The following ZSCAN25 variants were observed in gnomAD, a reference collection of about 807,000 sequenced individuals.
The protein encoded by ZSCAN25 is zinc finger and SCAN domain-containing protein 25.
Under a neutral mutation model 38.7 loss-of-function variants are expected in ZSCAN25, and 27 were observed. The observed-to-expected ratio is 0.70, with a 90% CI of 0.51 to 0.96. ZSCAN25 has a LOEUF of 0.96. Among genes scored for constraint, ZSCAN25 ranks in the 40% least tolerant of loss-of-function variants. The pLI is 0.00. For synonymous variants in ZSCAN25, 273 were observed against 277.7 expected (o/e 0.98, Z 0.17); for missense variants, 637 against 705.9 (o/e 0.90, Z 1.11).
the ZSCAN25 span, chr7:99,671,871 G>A: frequency 4.3e-6 from 3 of 702,536 alleles, no homozygotes; most frequent in East Asian, 2.7e-5. Flanking sequence ...GCTGGTCGTT[G>A]CACAAATCTA....
At position 99,631,576 on chromosome 7, in the gene ZSCAN25, T is replaced by G. The variant is rs1038621364; in HGVS notation, c.*1556T>G. On this transcript the variant is annotated 3_prime_UTR_variant, in exon 8 of 8. Transcript: ENST00000394152. ...AGTGTCCTATAATTGCAAAATGTGG[T>G]TTGTCTTCTGATGCCTCTTAATACC... The G allele has an allele frequency of 2.0e-6, 2 of 985,428 alleles. No homozygotes were observed. The highest frequency in any genetic ancestry group is 9.4e-5 in the South Asian group (2 of 21,290). 61.0% of individuals were successfully genotyped at this position (985,428 alleles called of 1,614,324 possible). A position where few individuals can be genotyped will look rare whatever the true frequency, so the allele number is the denominator to read the frequency against.
chr7:99,721,477 G>A, the ZSCAN25 span, among the ~76,000 whole-genome samples: 6 of 152,232 alleles, frequency 3.9e-5, 1 homozygote, highest in Admixed American at 1.3e-4. Flanking sequence ...GCACATATTC[G>A]AAGGGTCTGA....
Position 99,630,154 on chromosome 7 carries a change from C to G in ZSCAN25, c.*134C>G. ...ATTCGCCAACGCGGGAAAGGCAAGG[C>G]CTGGCTTACTTAGAGCTTCCAGAGA... On this transcript the variant is annotated 3_prime_UTR_variant, in exon 8 of 8. Transcript: ENST00000394152. The G allele has an allele frequency of 7.1e-7, 1 of 1,413,340 alleles. No homozygotes were observed. Among genetic ancestry groups the G allele is most frequent in the Non-Finnish European group, 9.1e-7 (1 of 1,093,756 alleles). 87.5% of individuals were successfully genotyped at this position (1,413,340 alleles called of 1,614,324 possible).
At position 99,629,981 on chromosome 7, in the gene ZSCAN25, C is replaced by T. The variant is rs1444765500; in HGVS notation, c.1596C>T (p.His532=). ...ACCAGAGGTCCATCCTCAACCGGCA[C>T]CAGAAGACCCAGCACCGCCAGGAGC... ...SFNQRSILNR[H]QKTQHRQEPL... Residue 532 remains histidine (H), a synonymous_variant, in exon 8 of 8, where the codon CAC becomes CAT. Transcript: ENST00000394152. The surrounding 1 kb of genome is among the most constrained non-coding windows in gnomAD (Gnocchi z 5.6). The T allele has an allele frequency of 3.1e-6, 5 of 1,596,388 alleles. No homozygotes were observed. The African/African-American group carries it at 4.0e-5, about 13-fold the overall frequency.
the ZSCAN25 span, among the ~76,000 whole-genome samples, chr7:99,719,659 C>T: frequency 2.0e-5 from 3 of 152,158 alleles, no homozygotes; most frequent in Admixed American, 2.0e-4. Flanking sequence ...TAAAGACCCT[C>T]TCAGAGAAAA....
At chr7:99,684,551 T>A in the ZSCAN25 span, among the ~76,000 whole-genome samples, 2 of 152,226 alleles carry the variant, frequency 1.3e-5, no homozygotes, top group African/African-American at 2.4e-5. Context: ...ATGTTAATAA[T>A]CACATTGGAG....
the ZSCAN25 span, among the ~76,000 whole-genome samples, chr7:99,710,457 G>C: frequency 1.3e-5 from 2 of 152,188 alleles, no homozygotes; most frequent in Non-Finnish European, 2.9e-5. Flanking sequence ...ATTGTTAAAT[G>C]CCAGGGAGGT....
the ZSCAN25 span, chr7:99,685,028 A>G: frequency 2.0e-5 from 15 of 765,272 alleles, no homozygotes; most frequent in Middle Eastern, 4.8e-4. Flanking sequence ...TATGCAGTAC[A>G]GTGGATGAAG....
Position 99,624,093 on chromosome 7 carries a change from C to G in ZSCAN25, c.718C>G (p.Pro240Ala). ...ATTTAAAGATATGGCCCTGGCCTTC[C>G]CTGAGGAGGAGTGGAGGCATGTGAC... is the stretch of plus-strand genomic sequence containing the variant. ...GPFKDMALAF[P>A]EEEWRHVTPA... is the part of the protein sequence containing the mutation. The change falls in exon 7 of 8, where the codon CCT (proline) becomes GCT (alanine). Residue 240 changes from proline to alanine, a missense_variant. Coordinates refer to ENST00000394152, the MANE Select transcript of ZSCAN25 (RefSeq NM_145115.3). 1 of 1,614,136 alleles carries G rather than the reference C, an allele frequency of 6.2e-7. No individual in the cohort carries two copies. Among genetic ancestry groups the G allele is most frequent in the Non-Finnish European group, 8.5e-7 (1 of 1,180,032 alleles).
the ZSCAN25 span, chr7:99,707,871 T>C: frequency 1.2e-6 from 2 of 1,614,056 alleles, no homozygotes; most frequent in Non-Finnish European, 1.7e-6. Flanking sequence ...AGAGCAAGTT[T>C]CATGTTCACG....
the ZSCAN25 span, among the ~76,000 whole-genome samples, chr7:99,702,449 C>G: frequency 2.6e-5 from 4 of 152,100 alleles, no homozygotes; most frequent in African/African-American, 9.7e-5. Context: ...ATATAGGGGT[C>G]TAGTTTCATT....
At chr7:99,722,203 G>A in the ZSCAN25 span, 27 of 1,515,708 alleles carry the variant, frequency 1.8e-5, no homozygotes, top group Admixed American at 7.1e-5. Flanking sequence ...GAGCTTCATC[G>A]CAAGAGGCTC....
the ZSCAN25 span, chr7:99,648,146 C>G: frequency 7.2e-7 from 1 of 1,389,468 alleles, no homozygotes; most frequent in Non-Finnish European, 9.4e-7. Context: ...TCTACACAGA[C>G]TCTGGGAGAG....
the ZSCAN25 span, chr7:99,663,689 A>G: frequency 9.6e-7 from 1 of 1,044,442 alleles, no homozygotes; most frequent in Non-Finnish European, 1.2e-6. Context: ...TTGACAATTT[A>G]TTAAAGGGAA....
At chr7:99,622,423 G>A (rs1482216919) in intron 5 of ZSCAN25, 126 bp from the exon 6 acceptor site, 3 of 872,132 alleles carry the variant, frequency 3.4e-6, no homozygotes, top group Non-Finnish European at 5.8e-6. Context: ...GAGTGAAAAG[G>A]GATTCTGTCT....
At chr7:99,663,857 A>C in the ZSCAN25 span, 1 of 1,434,524 alleles carries the variant, frequency 7.0e-7, no homozygotes, top group South Asian at 1.6e-5. Flanking sequence ...TGTTCTAAAC[A>C]TAAGTTCTCT....
At chr7:99,687,272 G>A in the ZSCAN25 span, among the ~76,000 whole-genome samples, 7 of 152,260 alleles carry the variant, frequency 4.6e-5, no homozygotes, top group African/African-American at 1.7e-4. Context: ...TTAAAAAGTT[G>A]AAATAAAATT....
chr7:99,664,140 A>C, the ZSCAN25 span: 8 of 1,446,724 alleles, frequency 5.5e-6, no homozygotes, highest in Non-Finnish European at 7.6e-6. Context: ...TTGAAAATGC[A>C]AACTTTACCT....
the ZSCAN25 span, among the ~76,000 whole-genome samples, chr7:99,698,643 G>C: frequency 6.6e-6 from 1 of 151,940 alleles, no homozygotes; most frequent in Admixed American, 6.6e-5. Flanking sequence ...TCGCAGTCTT[G>C]TCTTAGCGAT....
Sources: gnomAD v4.1 joint callset for allele counts (sites outside exome capture counted in the v4.1 genomes callset) on GRCh38, gnomAD v4.1.1 for gene constraint, Gnocchi (gnomAD v3.1) non-coding constraint, MANE v1.5 for transcripts, NCBI Gene and HGNC (gene_info 2026-07-23, HGNC 2026-07-21) for gene names.